The following CTNND2 variants were observed in gnomAD, a reference collection of about 807,000 sequenced individuals.
The protein encoded by CTNND2 is catenin delta-2.
CTNND2 carries 22 observed loss-of-function variants against 144.4 expected under a neutral mutation model. That is an observed-to-expected ratio of 0.15 (90% CI 0.11 to 0.22). The LOEUF (loss-of-function observed/expected upper bound fraction) is 0.22, where lower values mean the gene tolerates loss of function less well. Ranked by LOEUF, CTNND2 falls within the 10% of genes least tolerant of loss-of-function variation. CTNND2 has a pLI of 1.00. For missense variants in CTNND2, 1,353 were observed against 1,618.8 expected, an observed-to-expected ratio of 0.84 and a Z score of 2.82; for synonymous variants, 751 against 695.6, an observed-to-expected ratio of 1.08 and a Z score of -1.25.
intron 3 of CTNND2, among the ~76,000 whole-genome samples, chr5:11,550,213 A>G (rs1775639469): frequency 1.3e-5 from 2 of 152,204 alleles, no homozygotes; most frequent in African/African-American, 4.8e-5. Context: ...CCAATTACAC[A>G]TCACTAGTAA....
chr5:11,801,649 T>A (rs999503962), intron 1 of CTNND2, among the ~76,000 whole-genome samples: 2 of 152,186 alleles, frequency 1.3e-5, no homozygotes, highest in Non-Finnish European at 1.5e-5. Flanking sequence ...CTTTTGTATA[T>A]GCTTATATGC....
Position 11,864,563 on chromosome 5 carries a change from G to A in CTNND2, c.37+39254C>T, listed in dbSNP as rs142619981. Among the ~76,000 whole-genome samples the A allele has an allele frequency of 2.2e-4, 34 of 152,298 alleles. No individual in the cohort carries two copies. The East Asian group carries it at 6.6e-3, about 30-fold the overall frequency. ...CAGACCTAGGATTAGCACTCCCGCTGCCTTTCCTGGATCCACCATCTACCT... is the reference window on the plus strand; with the variant it reads ...CAGACCTAGGATTAGCACTCCCGCTACCTTTCCTGGATCCACCATCTACCT... On this transcript the variant is annotated intron_variant, in intron 1 of 21. Transcript: ENST00000304623.
chr5:11,252,728 C>T (rs1180165636), intron 9 of CTNND2, among the ~76,000 whole-genome samples: 1 of 152,144 alleles, frequency 6.6e-6, no homozygotes, highest in African/African-American at 2.4e-5. Flanking sequence ...CTTCAGAGCC[C>T]ACAGTCTTAC....
intron 1 of CTNND2, among the ~76,000 whole-genome samples, chr5:11,789,631 A>G (rs933053112): frequency 1.3e-5 from 2 of 152,134 alleles, no homozygotes; most frequent in Non-Finnish European, 2.9e-5. Context: ...ATAGCTTTTC[A>G]GTTACTCCCT....
intron 1 of CTNND2, among the ~76,000 whole-genome samples, chr5:11,826,366 C>T (rs1793598409): frequency 6.6e-6 from 1 of 151,670 alleles, no homozygotes; most frequent in African/African-American, 2.4e-5. Flanking sequence ...GACTAATATG[C>T]CAATAGTGGA....
At chr5:11,033,202 G>T (rs1371233491) in intron 16 of CTNND2, among the ~76,000 whole-genome samples, 2 of 152,170 alleles carry the variant, frequency 1.3e-5, no homozygotes, top group South Asian at 4.1e-4. Context: ...ATCTTAAAAT[G>T]TATCCCCTGG....
intron 2 of CTNND2, among the ~76,000 whole-genome samples, chr5:11,654,769 T>C (rs1581674563): frequency 6.6e-6 from 1 of 152,076 alleles, no homozygotes; most frequent in East Asian, 1.9e-4. Flanking sequence ...CTAGGACTTC[T>C]AGCCCTCTAT....
intron 2 of CTNND2, among the ~76,000 whole-genome samples, chr5:11,620,843 C>T (rs1218121397): frequency 1.3e-5 from 2 of 152,118 alleles, no homozygotes; most frequent in East Asian, 1.9e-4. Flanking sequence ...CCTAGTGGCT[C>T]GGAAGCCTAT....
chr5:11,652,557 A>C (rs949289265), intron 2 of CTNND2, among the ~76,000 whole-genome samples: 2 of 152,166 alleles, frequency 1.3e-5, no homozygotes, highest in African/African-American at 4.8e-5. Flanking sequence ...TGTTATTGCT[A>C]GTCTATAGGA....
At position 11,660,237 on chromosome 5, in the gene CTNND2, A is replaced by C. The variant is rs372582883; in HGVS notation, c.174+71899T>G. Among the ~76,000 whole-genome samples the C allele has an allele frequency of 3.3e-5, 5 of 152,152 alleles. No individual in the cohort carries two copies. The East Asian group carries it at 5.8e-4, about 18-fold the overall frequency. ...ACAAGGCCATGAAAAAGGATGGGGGAAGGAGAAATTTAATGAAAGAATAGG... is the reference window on the plus strand; with the variant it reads ...ACAAGGCCATGAAAAAGGATGGGGGCAGGAGAAATTTAATGAAAGAATAGG... On this transcript the variant is annotated intron_variant, in intron 2 of 21. Coordinates refer to ENST00000304623, the MANE Select transcript of CTNND2 (RefSeq NM_001332.4).
In CTNND2 at chr5:11,760,552, T is replaced by C. The variant is rs147246872; in HGVS notation, c.38-28280A>G. On this transcript the variant is annotated intron_variant, in intron 1 of 21. Transcript: ENST00000304623. ...CTGAAAAATGCCGTGGTATTATAGA[T>C]AAGGTAATTGTAAAAGGCAAAGGAA... 5.1e-3 allele frequency among the ~76,000 whole-genome samples: 776 copies of C among 152,242 alleles called. 8 individuals are homozygous for C. Among genetic ancestry groups the C allele is most frequent in the African/African-American group, 0.018 (741 of 41,548 alleles).
At chr5:11,365,490 T>C (rs990762205) in intron 7 of CTNND2, among the ~76,000 whole-genome samples, 3 of 152,190 alleles carry the variant, frequency 2.0e-5, no homozygotes, top group African/African-American at 7.2e-5. Flanking sequence ...AATTGAAGCA[T>C]TTACATTTAG....
At chr5:11,856,945 C>T (rs898836723) in intron 1 of CTNND2, among the ~76,000 whole-genome samples, 3 of 152,078 alleles carry the variant, frequency 2.0e-5, no homozygotes, top group Non-Finnish European at 2.9e-5. Flanking sequence ...TCAAAATTAT[C>T]AAATTCCCAA....
intron 9 of CTNND2, among the ~76,000 whole-genome samples, chr5:11,249,829 TAC>T (rs964568253): frequency 6.6e-6 from 1 of 151,568 alleles, no homozygotes; most frequent in African/African-American, 2.4e-5. Flanking sequence ...TAATTAGATC[TAC>T]AGTCATTAGT....
intron 19 of CTNND2, among the ~76,000 whole-genome samples, chr5:10,990,823 C>A: frequency 6.6e-6 from 1 of 152,200 alleles, no homozygotes; most frequent in East Asian, 1.9e-4. Flanking sequence ...GCACTGTCTG[C>A]ATGGCTGGTT....
chr5:11,489,054 T>C (rs1406237845), intron 3 of CTNND2, among the ~76,000 whole-genome samples: 3 of 151,818 alleles, frequency 2.0e-5, no homozygotes, highest in African/African-American at 4.8e-5. Flanking sequence ...CAAGTTTTCA[T>C]TTCTCTAGGG....
At chr5:11,554,959 C>T (rs547216528) in intron 3 of CTNND2, among the ~76,000 whole-genome samples, 1 of 150,542 alleles carries the variant, frequency 6.6e-6, no homozygotes, top group East Asian at 2.0e-4. Flanking sequence ...ATGTACATAA[C>T]ATAAAAAAAT....
At chr5:11,028,465 C>G (rs1743093897) in intron 16 of CTNND2, among the ~76,000 whole-genome samples, 1 of 152,120 alleles carries the variant, frequency 6.6e-6, no homozygotes, top group Non-Finnish European at 1.5e-5. Context: ...ATTCTACAAT[C>G]ATATATCTCC....
intron 8 of CTNND2, among the ~76,000 whole-genome samples, chr5:11,364,148 T>C (rs1001791043): frequency 3.3e-5 from 5 of 152,256 alleles, no homozygotes; most frequent in South Asian, 4.1e-4. Flanking sequence ...CCAGGAGAGC[T>C]ATATAACTGA....
Sources: gnomAD v4.1 joint callset for allele counts (sites outside exome capture counted in the v4.1 genomes callset) on GRCh38, gnomAD v4.1.1 for gene constraint, MANE v1.5 for transcripts, NCBI Gene and HGNC (gene_info 2026-07-23, HGNC 2026-07-21) for gene names.